SLC35D4: variants seen among roughly 807,000 people sequenced by gnomAD.
SLC35D4 encodes UDP-N-acetylglucosamine transporter SLC35D4.
chr18:23,359,328 A>G, the SLC35D4 span, among the ~76,000 whole-genome samples: 75,286 of 150,384 alleles, frequency 0.5, 18,936 homozygotes, highest in East Asian at 0.56. Flanking sequence ...AGGTTGCAGT[A>G]AGCCGAGATT....
the SLC35D4 span, among the ~76,000 whole-genome samples, chr18:23,280,831 G>T: frequency 3.9e-5 from 6 of 152,196 alleles, no homozygotes; most frequent in Non-Finnish European, 8.8e-5. Context: ...TTCTGGAAGA[G>T]TGTTGACCAT....
At chr18:23,388,651 T>G in the SLC35D4 span, among the ~76,000 whole-genome samples, 15 of 152,302 alleles carry the variant, frequency 9.8e-5, no homozygotes, top group South Asian at 2.3e-3. Context: ...CCTGCTGATA[T>G]GGTTTGGCTC....
chr18:23,384,518 G>C, the SLC35D4 span, among the ~76,000 whole-genome samples: 1 of 152,216 alleles, frequency 6.6e-6, no homozygotes, highest in Non-Finnish European at 1.5e-5. Context: ...GAACAAGCTG[G>C]TGTCATTATT....
the SLC35D4 span, among the ~76,000 whole-genome samples, chr18:23,404,297 G>A: frequency 6.6e-6 from 1 of 152,202 alleles, no homozygotes; most frequent in Non-Finnish European, 1.5e-5. Flanking sequence ...AACCTCCAAA[G>A]TGATGGTACT....
At chr18:23,411,635 G>A in the SLC35D4 span, among the ~76,000 whole-genome samples, 2,365 of 152,194 alleles carry the variant, frequency 0.016, 72 homozygotes, top group African/African-American at 0.054. Flanking sequence ...TTGCCAAGGG[G>A]TCTAATTTGA....
chr18:23,338,096 C>G, the SLC35D4 span, among the ~76,000 whole-genome samples: 1 of 152,188 alleles, frequency 6.6e-6, no homozygotes, highest in East Asian at 1.9e-4. Flanking sequence ...ACAGAACAGC[C>G]AGCAGGGTGG....
At chr18:23,310,664 C>A in the SLC35D4 span, among the ~76,000 whole-genome samples, 1 of 152,024 alleles carries the variant, frequency 6.6e-6, no homozygotes, top group African/African-American at 2.4e-5. Flanking sequence ...CATGTGCTGT[C>A]TTGGAGGCCT....
chr18:23,255,574 T>G, the SLC35D4 span, among the ~76,000 whole-genome samples: 1 of 150,874 alleles, frequency 6.6e-6, no homozygotes, highest in Non-Finnish European at 1.5e-5. Context: ...TTTTTTTTTT[T>G]TTTGAGACAG....
At chr18:23,314,996 T>C in the SLC35D4 span, among the ~76,000 whole-genome samples, 2 of 152,218 alleles carry the variant, frequency 1.3e-5, no homozygotes, top group East Asian at 3.8e-4. Flanking sequence ...AGACAAATTT[T>C]CCATTTAAGG....
chr18:23,293,416 T>C, the SLC35D4 span, among the ~76,000 whole-genome samples: 1 of 152,228 alleles, frequency 6.6e-6, no homozygotes, highest in Admixed American at 6.5e-5. Context: ...ATAAAAAATA[T>C]TATTTCAACA....
At chr18:23,437,929 C>G in the SLC35D4 span, 1 of 1,493,486 alleles carries the variant, frequency 6.7e-7, no homozygotes, top group African/African-American at 1.4e-5. Flanking sequence ...CCCGCAGCAG[C>G]AGCAGCGGCA....
At chr18:23,374,800 T>C in the SLC35D4 span, among the ~76,000 whole-genome samples, 2 of 151,944 alleles carry the variant, frequency 1.3e-5, no homozygotes, top group Non-Finnish European at 2.9e-5. Context: ...ATGACATCTT[T>C]AGGGGAAAAA....
the SLC35D4 span, chr18:23,257,018 C>A: frequency 1.7e-6 from 1 of 576,104 alleles, no homozygotes; most frequent in Non-Finnish European, 3.0e-6. Flanking sequence ...TGGTTCCGGG[C>A]AGCCCCTCGG....
At chr18:23,331,242 A>T in the SLC35D4 span, 2 of 152,290 alleles carry the variant, frequency 1.3e-5, no homozygotes, top group East Asian at 1.9e-4. Context: ...GCTACCGGGA[A>T]GTCTGAGCTC....
the SLC35D4 span, among the ~76,000 whole-genome samples, chr18:23,404,528 C>G: frequency 6.6e-6 from 1 of 150,968 alleles, no homozygotes; most frequent in African/African-American, 2.4e-5. Flanking sequence ...CAAAAATTAG[C>G]TGGGCATGGT....
At chr18:23,406,166 T>C in the SLC35D4 span, among the ~76,000 whole-genome samples, 1 of 152,218 alleles carries the variant, frequency 6.6e-6, no homozygotes, top group Non-Finnish European at 1.5e-5. Context: ...TTATAACATT[T>C]ACATGGTTAT....
the SLC35D4 span, chr18:23,253,714 C>A: frequency 6.2e-7 from 1 of 1,611,092 alleles, no homozygotes; most frequent in South Asian, 1.1e-5. Context: ...TTCCCTCTTG[C>A]CTGTCTTTCT....
At chr18:23,423,473 A>G in the SLC35D4 span, among the ~76,000 whole-genome samples, 1 of 152,224 alleles carries the variant, frequency 6.6e-6, no homozygotes, top group Non-Finnish European at 1.5e-5. Context: ...ACTGGAATCT[A>G]GCCAGTAGAA....
chr18:23,268,300 T>C, the SLC35D4 span, among the ~76,000 whole-genome samples: 4 of 152,210 alleles, frequency 2.6e-5, no homozygotes, highest in Non-Finnish European at 4.4e-5. Flanking sequence ...TTACTCTTGC[T>C]GCCAATAGAA....
Sources: allele counts gnomAD v4.1 joint callset (sites outside exome capture counted in the v4.1 genomes callset), GRCh38; gene constraint gnomAD v4.1.1; transcripts MANE v1.5; gene names NCBI Gene and HGNC (gene_info 2026-07-23, HGNC 2026-07-21).